SORT1: variants seen among roughly 807,000 people sequenced by gnomAD.
SORT1 encodes the protein sortilin 1, also known as sortilin.
A neutral mutation model predicts 101.7 loss-of-function variants in SORT1; 39 were observed. The ratio of observed to expected loss-of-function variants is 0.38; its 90% CI spans 0.30 to 0.50. The LOEUF (loss-of-function observed/expected upper bound fraction) is 0.50, where lower values mean the gene tolerates loss of function less well. Among genes scored for constraint, SORT1 ranks in the 20% least tolerant of loss-of-function variants. The pLI is 0.90. For synonymous variants in SORT1, 396 were observed against 393.7 expected, an observed-to-expected ratio of 1.01 and a Z score of -0.07; for missense variants, 878 against 1,040.4, an observed-to-expected ratio of 0.84 and a Z score of 2.15.
rs1186041634 is a variant in SORT1 at position 109,347,520 on chromosome 1, G to A, written c.795C>T (p.Asn265=). ...AVCLAKWGSD[N]TIFFTTYANG... The stretch of plus-strand genomic sequence containing the variant: ...TTGCATAGGTTGTAAAGAAGATGGT[G>A]TTGTCTGATCCCCTACAATGAGGCA... The change falls in exon 7 of 20, where the codon AAC becomes AAT. Residue 265 remains asparagine, a synonymous_variant. Transcript: ENST00000256637. 2.5e-6 allele frequency: 4 copies of A among 1,610,560 alleles called. No homozygotes were observed. The highest frequency in any genetic ancestry group is 1.1e-5 in the South Asian group (1 of 90,996).
At position 109,323,019 on chromosome 1, in the gene SORT1, C is replaced by T. The variant is rs768678769; in HGVS notation, c.1937G>A (p.Arg646His). The T allele has an allele frequency of 4.4e-5, 71 of 1,614,046 alleles. No individual in the cohort carries two copies. The highest frequency in any genetic ancestry group is 8.0e-5 in the African/African-American group (6 of 74,916). The change falls in exon 15 of 20, where the codon CGC (arginine) becomes CAC (histidine). Residue 646 changes from arginine to histidine, a missense_variant. Physicochemically the swap from Arg to His is conservative, Grantham distance 29 (BLOSUM62 0). This residue lies in a region of SORT1 where 684 missense variants were observed against 894.5 expected (regional missense o/e 0.76). Transcript: ENST00000256637. ...LGYKEQFLRL[R>H]KSSVCQNGRD... ...ACCATTCTGACACACGGATGACTTG[C>T]GTAGCCGCAGAAACTGTTCTTTGTA...
intron 11 of SORT1, among the ~76,000 whole-genome samples, chr1:109,331,809 A>C (rs887199699): frequency 6.6e-6 from 1 of 152,078 alleles, no homozygotes; most frequent in Admixed American, 6.5e-5. Flanking sequence ...TCCACCAAAA[A>C]TGTTAAAACT....
At chr1:109,363,381 T>C (rs748129212) in intron 3 of SORT1, among the ~76,000 whole-genome samples, 9 of 152,202 alleles carry the variant, frequency 5.9e-5, no homozygotes, top group Non-Finnish European at 1.2e-4. Flanking sequence ...ATATTCCTTA[T>C]AAGGAAATCA....
intron 15 of SORT1, 108 bp from the exon 16 acceptor site, chr1:109,318,077 G>T (rs538506736): frequency 4.1e-5 from 28 of 688,824 alleles, no homozygotes; most frequent in Admixed American, 7.5e-5. Context: ...TCCAGTCTTG[G>T]GTTGTTAGAA....
rs376882706 is a variant in SORT1, at chr1:109,390,771, ATG to A, written c.306+6814_306+6815del. 4.6e-3 allele frequency among the ~76,000 whole-genome samples: 664 copies of A among 145,714 alleles called. 2 individuals carry two copies. Among genetic ancestry groups the A allele is most frequent in the South Asian group, 0.011 (50 of 4,574 alleles). ...TTAGAAAGTGTGTGTGTGTGTGTGT[ATG>A]TGTGTGTGTGTGTGTGTGTGTGTGT... On this transcript the variant is annotated intron_variant, in intron 1 of 19. Coordinates refer to ENST00000256637, the MANE Select transcript of SORT1 (RefSeq NM_002959.7).
chr1:109,323,398 T>C (rs1647774032), intron 14 of SORT1, among the ~76,000 whole-genome samples: 1 of 152,172 alleles, frequency 6.6e-6, no homozygotes, highest in Admixed American at 6.5e-5. Flanking sequence ...GGATAGAAAA[T>C]CTCTCAAGTT....
chr1:109,319,114 T>C (rs2101533023), intron 15 of SORT1, among the ~76,000 whole-genome samples: 1 of 152,338 alleles, frequency 6.6e-6, no homozygotes, highest in East Asian at 1.9e-4. Flanking sequence ...GTCATTATTA[T>C]GTTGCCCTTG....
At chr1:109,388,210 G>C (rs1652697266) in intron 1 of SORT1, among the ~76,000 whole-genome samples, 1 of 151,994 alleles carries the variant, frequency 6.6e-6, no homozygotes, top group South Asian at 2.1e-4. Context: ...TGGAACTCTA[G>C]ATGTGCACCA....
At position 109,328,076 on chromosome 1, in the gene SORT1, A is replaced by G. The variant is rs1648204763; in HGVS notation, c.1372-475T>C. The stretch of plus-strand genomic sequence containing the variant: ...ATTTCCTCCCTTTTAAAGGCTAAAT[A>G]TTATTTAAGTGTGTGTGTGTATCTG... On this transcript the variant is annotated intron_variant, in intron 11 of 19. Coordinates refer to ENST00000256637, the MANE Select transcript of SORT1 (RefSeq NM_002959.7). 2.6e-5 allele frequency among the ~76,000 whole-genome samples: 4 copies of G among 152,320 alleles called. No homozygotes were observed. The South Asian group carries it at 8.3e-4, about 32-fold the overall frequency.
At chr1:109,316,789 T>C (rs1647245576) in intron 17 of SORT1, 61 bp downstream of exon 17, 7 of 1,105,678 alleles carry the variant, frequency 6.3e-6, no homozygotes, top group Non-Finnish European at 9.4e-6. Flanking sequence ...TTAACTTTGA[T>C]TTTTCTTAGC....
At chr1:109,394,391 T>C (rs192117475) in intron 1 of SORT1, among the ~76,000 whole-genome samples, 1 of 152,278 alleles carries the variant, frequency 6.6e-6, no homozygotes, top group East Asian at 1.9e-4. Flanking sequence ...TTTAAATATA[T>C]TTTAAATTAA....
intron 2 of SORT1, 51 bp from the exon 3 acceptor site, chr1:109,367,532 T>C (rs745757670): frequency 2.6e-6 from 3 of 1,155,668 alleles, no homozygotes; most frequent in Non-Finnish European, 1.3e-6. Context: ...TCCAATCACA[T>C]GCTGATATGT....
chr1:109,370,051 A>G (rs908298009), intron 1 of SORT1, among the ~76,000 whole-genome samples: 1 of 152,168 alleles, frequency 6.6e-6, no homozygotes, highest in Non-Finnish European at 1.5e-5. Context: ...TTTTACTTCT[A>G]GTCTAGCTCA....
chr1:109,323,025 C>T lies in SORT1; in HGVS notation c.1931G>A (p.Arg644Gln). ...CILGYKEQFLRLRKSSVCQNG... is the reference protein window; with the variant it reads ...CILGYKEQFLQLRKSSVCQNG... Reference sequence around the variant, plus strand: ...CTGACACACGGATGACTTGCGTAGCCGCAGAAACTGTTCTTTGTAGCCCAA... The same window carrying T: ...CTGACACACGGATGACTTGCGTAGCTGCAGAAACTGTTCTTTGTAGCCCAA... The change falls in exon 15 of 20, where the codon CGG (arginine) becomes CAG (glutamine). Residue 644 changes from arginine to glutamine, a missense_variant. Arg to Gln is a conservative substitution (Grantham distance 43). Around this residue, in one of 2 missense-constraint regions of SORT1, gnomAD observed 684 missense variants for 894.5 expected, o/e 0.76. Coordinates refer to ENST00000256637, the MANE Select transcript of SORT1 (RefSeq NM_002959.7). The T allele has an allele frequency of 5.0e-6, 8 of 1,614,192 alleles. No homozygotes were observed. Among genetic ancestry groups the T allele is most frequent in the Middle Eastern group, 1.7e-4 (1 of 6,060 alleles).
At chr1:109,396,358 TCAATC>T (rs1653175353) in intron 1 of SORT1, among the ~76,000 whole-genome samples, 1 of 152,188 alleles carries the variant, frequency 6.6e-6, no homozygotes, top group Non-Finnish European at 1.5e-5. Flanking sequence ...AAAGCCTTTC[TCAATC>T]CCCCACTGTG....
intron 11 of SORT1, among the ~76,000 whole-genome samples, chr1:109,332,076 T>G (rs569234014): frequency 6.6e-6 from 1 of 151,662 alleles, no homozygotes; most frequent in African/African-American, 2.4e-5. Context: ...TGTTCCTGGA[T>G]TGGAATAATT....
At chr1:109,388,690 T>C (rs1181386265) in intron 1 of SORT1, among the ~76,000 whole-genome samples, 1 of 152,218 alleles carries the variant, frequency 6.6e-6, no homozygotes. Context: ...ATGAAAATCA[T>C]TACAAGAAAT....
At position 109,312,746 on chromosome 1, in the gene SORT1, AC is replaced by A. The variant is rs1312318358; in HGVS notation, c.*1296del. The A allele has an allele frequency of 1.3e-5, 2 of 152,318 alleles. No homozygotes were observed. The highest frequency in any genetic ancestry group is 2.9e-5 in the Non-Finnish European group (2 of 68,038). The allele number at this position is 152,318 out of a possible 1,614,324, so 9.4% of individuals were successfully genotyped here. A position where few individuals can be genotyped will look rare whatever the true frequency, so the allele number is the denominator to read the frequency against. On this transcript the variant is annotated 3_prime_UTR_variant, in exon 20 of 20. Transcript: ENST00000256637. ...TTACTATATGGCCACCCCAAAATCC[AC>A]CCAACTACATTCTATAATTTATTTA...
At chr1:109,318,235 C>T (rs975875260) in intron 15 of SORT1, among the ~76,000 whole-genome samples, 1 of 151,302 alleles carries the variant, frequency 6.6e-6, no homozygotes, top group Non-Finnish European at 1.5e-5. Context: ...CTCACTGCAA[C>T]CTCCGCCTCC....
Sources: allele counts gnomAD v4.1 joint callset (sites outside exome capture counted in the v4.1 genomes callset), GRCh38; gene constraint gnomAD v4.1.1; regional missense constraint gnomAD v4.1.1; transcripts MANE v1.5; gene names NCBI Gene and HGNC (gene_info 2026-07-23, HGNC 2026-07-21).